The following NR2C2 variants were observed in gnomAD, a reference collection of about 807,000 sequenced individuals.
NR2C2 encodes the protein nuclear receptor subfamily 2 group C member 2, also known as Nuclear hormone receptor TR4.
A neutral mutation model predicts 62.9 loss-of-function variants in NR2C2; 6 were observed. The observed-to-expected ratio is 0.10, with a 90% CI of 0.05 to 0.19. NR2C2 has a LOEUF of 0.19. Among genes scored for constraint, NR2C2 ranks in the 10% least tolerant of loss-of-function variants. The pLI is 1.00. For missense variants in NR2C2, 479 were observed against 762.7 expected, an observed-to-expected ratio of 0.63 and a Z score of 4.38; for synonymous variants, 272 against 273.8, an observed-to-expected ratio of 0.99 and a Z score of 0.07.
chr3:15,045,665 TAA>T lies in NR2C2; in HGVS notation c.*2659_*2660del, dbSNP rs2042424146. 3 of 152,694 alleles carry T rather than the reference TAA, an allele frequency of 2.0e-5. No individual in the cohort carries two copies. In the South Asian group the frequency reaches 6.2e-4, roughly 32 times the overall value. The allele number at this position is 152,694 out of a possible 1,614,324, so 9.5% of individuals were successfully genotyped here. ...TTCATCTCCTGTCAGGTTGGTTAAG[TAA>T]AGTCAGCCCAAAGTCAAGAATTACT... is the stretch of plus-strand genomic sequence containing the variant. On this transcript the variant is annotated 3_prime_UTR_variant, in exon 14 of 14. Transcript: ENST00000425241.
chr3:14,972,286 T>C (rs537475979), intron 1 of NR2C2, among the ~76,000 whole-genome samples: 5 of 151,818 alleles, frequency 3.3e-5, no homozygotes, highest in South Asian at 4.2e-4. Flanking sequence ...GAGATTCCCA[T>C]GTCTCAGCCA....
chr3:14,961,881 G>T (rs143171247), intron 1 of NR2C2, among the ~76,000 whole-genome samples: 19 of 152,284 alleles, frequency 1.2e-4, no homozygotes, highest in African/African-American at 4.6e-4. Context: ...CAGTCTCTTC[G>T]CTTCTTGCTT....
intron 11 of NR2C2, among the ~76,000 whole-genome samples, chr3:15,037,598 A>G (rs1018553820): frequency 1.2e-4 from 18 of 152,328 alleles, no homozygotes; most frequent in South Asian, 4.1e-4. Flanking sequence ...TGTTTTGACA[A>G]CTAAAAATTA....
At chr3:14,964,801 C>T (rs928820427) in intron 1 of NR2C2, among the ~76,000 whole-genome samples, 20 of 152,164 alleles carry the variant, frequency 1.3e-4, no homozygotes, top group African/African-American at 4.6e-4. Flanking sequence ...GGATTACAGG[C>T]GTGAGCCACC....
At chr3:15,004,826 G>C (rs923937421) in intron 2 of NR2C2, among the ~76,000 whole-genome samples, 18 of 152,136 alleles carry the variant, frequency 1.2e-4, no homozygotes, top group African/African-American at 4.3e-4. Flanking sequence ...TGTCTTTTTG[G>C]AGAATTAACC....
At chr3:15,004,642 G>GC (rs1197994885) in intron 2 of NR2C2, 1 of 1,610,002 alleles carries the variant, frequency 6.2e-7, no homozygotes, top group Admixed American at 1.7e-5. Flanking sequence ...AAGGCAAAAA[G>GC]CTGGGAGGAA....
chr3:14,979,031 C>T (rs1009895141), intron 1 of NR2C2, among the ~76,000 whole-genome samples: 1 of 152,160 alleles, frequency 6.6e-6, no homozygotes, highest in Non-Finnish European at 1.5e-5. Context: ...AATATCCCCC[C>T]ATAGTCATTT....
chr3:14,994,439 C>CTTTTT lies in NR2C2; in HGVS notation c.-39-9419_-39-9415dup, dbSNP rs4038325. On this transcript the variant is annotated intron_variant, in intron 1 of 13. Transcript: ENST00000425241. ...AATTCGTTGTTGTTGTTTATTCATT[C>CTTTTT]TTTTTTTTTTTTTTTTTTTTTTGAG... Among the ~76,000 whole-genome samples the CTTTTT allele has an allele frequency of 5.4e-3, 484 of 89,576 alleles. 4 individuals carry two copies. The highest frequency in any genetic ancestry group is 5.9e-3 in the African/African-American group (130 of 21,896). The allele number at this position is 89,576 out of a possible 152,430, so 58.8% of individuals were successfully genotyped here. A position where few individuals can be genotyped will look rare whatever the true frequency, so the allele number is the denominator to read the frequency against.
intron 8 of NR2C2, among the ~76,000 whole-genome samples, chr3:15,028,929 C>G (rs1448341871): frequency 2.0e-5 from 3 of 152,152 alleles, no homozygotes; most frequent in African/African-American, 7.2e-5. Flanking sequence ...ATCAAAACTT[C>G]TTTTCATTCC....
In NR2C2 at chr3:15,016,155, G is replaced by C. The variant is rs1473217829; in HGVS notation, c.277G>C (p.Val93Leu). Residue 93 changes from valine to leucine, a missense_variant, in exon 4 of 14, where the codon GTC becomes CTC. This residue lies in a region of NR2C2 where 115 missense variants were observed against 152.3 expected (regional missense o/e 0.76). Coordinates refer to ENST00000425241, the MANE Select transcript of NR2C2 (RefSeq NM_001291694.2). ...TTCGTTTCCTGATTTCTCTCAGATT[G>C]TCACGGATTCTGCCTCTGTGGAGCG... ...DNLVPGRIQI[V>L]TDSASVERLL... 6.2e-7 allele frequency: 1 copy of C among 1,613,416 alleles called. No homozygotes were observed. Among genetic ancestry groups the C allele is most frequent in the Non-Finnish European group, 8.5e-7 (1 of 1,179,410 alleles).
intron 1 of NR2C2, among the ~76,000 whole-genome samples, chr3:14,994,768 A>AT (rs2040776061): frequency 1.4e-5 from 2 of 147,892 alleles, no homozygotes; most frequent in East Asian, 2.1e-4. Context: ...AAAAAAAAAA[A>AT]GCCAGCTGTG....
intron 2 of NR2C2, chr3:15,004,464 A>G (rs1488678189): frequency 5.5e-6 from 7 of 1,271,330 alleles, no homozygotes; most frequent in Non-Finnish European, 6.4e-6. Context: ...CTGGCACATA[A>G]TAATGTTCAA....
At chr3:14,966,936 ATATTAACTTTTCTT>A (rs1420928127) in intron 1 of NR2C2, among the ~76,000 whole-genome samples, 1 of 152,228 alleles carries the variant, frequency 6.6e-6, no homozygotes, top group African/African-American at 2.4e-5. Flanking sequence ...TAAAGAATTG[ATATTAACTTTTCTT>A]TAAAAATCTT....
At chr3:14,970,994 AT>A (rs1352422186) in intron 1 of NR2C2, among the ~76,000 whole-genome samples, 1 of 152,230 alleles carries the variant, frequency 6.6e-6, no homozygotes, top group Non-Finnish European at 1.5e-5. Flanking sequence ...AAATTCAACA[AT>A]TTATTATAAG....
chr3:15,022,514 C>G (rs1054437236), intron 5 of NR2C2, among the ~76,000 whole-genome samples: 3 of 150,056 alleles, frequency 2.0e-5, no homozygotes, highest in Non-Finnish European at 4.4e-5. Flanking sequence ...AAGCAATTCT[C>G]CCTGCCTCAG....
intron 1 of NR2C2, among the ~76,000 whole-genome samples, chr3:14,964,362 G>A (rs1447081936): frequency 2.0e-5 from 3 of 152,128 alleles, no homozygotes; most frequent in Admixed American, 6.6e-5. Context: ...AGGAATAATT[G>A]CAAAGCAAAA....
intron 5 of NR2C2, among the ~76,000 whole-genome samples, chr3:15,022,718 T>G (rs990107709): frequency 5.9e-5 from 9 of 152,160 alleles, no homozygotes; most frequent in African/African-American, 1.7e-4. Context: ...AAGAGTCTAT[T>G]TTGTTAGCAG....
rs1485684794 is a variant in NR2C2, at chr3:15,038,171, C to A, written c.1510+34C>A. 11 of 1,582,442 alleles carry A rather than the reference C, an allele frequency of 7.0e-6. No individual in the cohort carries two copies. The African/African-American group carries it at 8.2e-5, about 12-fold the overall frequency. ...TGCGGTGGGGATGCATGACCCCTTT[C>A]CACCTGTATCTACTGATGTTTCTGA... On this transcript the variant is annotated intron_variant, in intron 12 of 13. Transcript: ENST00000425241.
At chr3:15,042,002 A>G (rs1275121343) in intron 13 of NR2C2, among the ~76,000 whole-genome samples, 1 of 152,254 alleles carries the variant, frequency 6.6e-6, no homozygotes, top group Non-Finnish European at 1.5e-5. Context: ...TACAATAACA[A>G]TACGTACTCT....
Sources: allele counts gnomAD v4.1 joint callset (sites outside exome capture counted in the v4.1 genomes callset), GRCh38; gene constraint gnomAD v4.1.1; regional missense constraint gnomAD v4.1.1; transcripts MANE v1.5; gene names NCBI Gene and HGNC (gene_info 2026-07-23, HGNC 2026-07-21).